Variants in TXN2 observed in about 807,000 individuals in gnomAD.
TXN2 encodes thioredoxin 2, also known as thioredoxin, mitochondrial.
In TXN2, 12 loss-of-function variants were observed where a neutral mutation model predicts 14.6. The ratio of observed to expected loss-of-function variants is 0.82; its 90% confidence interval spans 0.53 to 1.33. TXN2 has a LOEUF of 1.33. Ranked by LOEUF, TXN2 falls within the 40% of genes most tolerant of loss-of-function variation. TXN2 has a pLI of 0.00. For missense variants in TXN2, 173 were observed against 207.7 expected (o/e 0.83, Z 1.03); for synonymous variants, 89 against 81.0 (o/e 1.10, Z -0.53).
In TXN2 at chr22:36,480,788, C is replaced by T. The variant is rs777701106; in HGVS notation, c.50G>A (p.Arg17Lys). The T allele has an allele frequency of 6.2e-7, 1 of 1,610,562 alleles. No homozygotes were observed. Among genetic ancestry groups the T allele is most frequent in the Admixed American group, 1.7e-5 (1 of 59,666 alleles). Residue 17 changes from arginine (R) to lysine (K), a missense_variant, in exon 2 of 4, where the codon AGG becomes AAG. Coordinates refer to ENST00000216185, the MANE Select transcript of TXN2 (RefSeq NM_012473.4). ...LRRFLASVIS[R>K]KPSQGQWPPL... ...TGGCCACTGACCCTGAGAGGGCTTC[C>T]TGGAGATGACAGAGGCCAGGAACCT...
Position 36,467,343 on chromosome 22 carries a change from T to C in TXN2, c.*461A>G, listed in dbSNP as rs1219558224. 1 of 167,444 alleles carries C rather than the reference T, an allele frequency of 6.0e-6. No homozygotes were observed. Among genetic ancestry groups the C allele is most frequent in the Non-Finnish European group, 1.3e-5 (1 of 76,762 alleles). The allele number at this position is 167,444 out of a possible 1,614,324, so 10.4% of individuals were successfully genotyped here. On this transcript the variant is annotated 3_prime_UTR_variant, in exon 4 of 4. Coordinates refer to ENST00000216185, the MANE Select transcript of TXN2 (RefSeq NM_012473.4). ...TATCACAGACCTACAAAAAATGAGATAATTAGATATTACTCTCACTAGTTT... is the reference window on the plus strand; with the variant it reads ...TATCACAGACCTACAAAAAATGAGACAATTAGATATTACTCTCACTAGTTT...
intron 2 of TXN2, among the ~76,000 whole-genome samples, chr22:36,477,891 C>T (rs1933418766): frequency 6.6e-6 from 1 of 152,130 alleles, no homozygotes; most frequent in Non-Finnish European, 1.5e-5. Flanking sequence ...AATTCCAGCA[C>T]TTTGGGAGGC....
chr22:36,474,281 C>T (rs1303671703), intron 3 of TXN2, among the ~76,000 whole-genome samples: 2 of 152,184 alleles, frequency 1.3e-5, no homozygotes, highest in Admixed American at 6.5e-5. Context: ...TAGTGGCCAC[C>T]GTGTTTGTCT....
intron 1 of TXN2, 62 bp from the exon 2 acceptor site, chr22:36,480,899 G>T (rs1933488671): frequency 2.0e-6 from 3 of 1,501,592 alleles, no homozygotes. Flanking sequence ...ACTAGAAAAA[G>T]ATTTGGGGAG....
rs1933363986 is a variant in TXN2, at chr22:36,475,287, A to G, written c.387+1446T>C. On this transcript the variant is annotated intron_variant, in intron 3 of 3. Coordinates refer to ENST00000216185, the MANE Select transcript of TXN2 (RefSeq NM_012473.4). ...CAGCTACTCCGGAGGCTGGGACAGG[A>G]GAACTGCTTGAACCCGGGAGGCAGA... Among the ~76,000 whole-genome samples, 3 of 152,226 alleles carry G rather than the reference A, an allele frequency of 2.0e-5. No homozygotes were observed. In the South Asian group the frequency reaches 6.2e-4, roughly 31 times the overall value.
intron 3 of TXN2, among the ~76,000 whole-genome samples, chr22:36,473,944 T>G (rs559238081): frequency 6.6e-6 from 1 of 152,224 alleles, no homozygotes; most frequent in South Asian, 2.1e-4. Flanking sequence ...TCCCTGCACA[T>G]GGCTGGCCCT....
At chr22:36,472,289 G>C (rs1036900867) in intron 3 of TXN2, among the ~76,000 whole-genome samples, 4 of 152,056 alleles carry the variant, frequency 2.6e-5, no homozygotes, top group Non-Finnish European at 5.9e-5. Context: ...GGAGGAGGAA[G>C]GAGAGATGAA....
At chr22:36,470,781 T>TAAAA (rs34939764) in intron 3 of TXN2, among the ~76,000 whole-genome samples, 31 of 136,612 alleles carry the variant, frequency 2.3e-4, no homozygotes, top group African/African-American at 4.0e-4. Flanking sequence ...ATAAAAATAT[T>TAAAA]AAAAAAAAAA....
At chr22:36,477,875 G>A (rs879503944) in intron 2 of TXN2, among the ~76,000 whole-genome samples, 3 of 152,084 alleles carry the variant, frequency 2.0e-5, no homozygotes, top group Admixed American at 6.6e-5. Flanking sequence ...GGTGACCCAC[G>A]CCTATAATTC....
chr22:36,473,783 C>A (rs759774380), intron 3 of TXN2, among the ~76,000 whole-genome samples: 35 of 152,148 alleles, frequency 2.3e-4, no homozygotes, highest in Non-Finnish European at 4.4e-4. Context: ...CCACAGGAGG[C>A]ATCTCCTTCT....
intron 3 of TXN2, among the ~76,000 whole-genome samples, chr22:36,475,442 C>G (rs191239023): frequency 2.6e-5 from 4 of 152,340 alleles, no homozygotes; most frequent in Admixed American, 2.6e-4. Flanking sequence ...GTATTTTTCT[C>G]CATTGAACTT....
chr22:36,474,366 C>A (rs531675922), intron 3 of TXN2, among the ~76,000 whole-genome samples: 2 of 152,320 alleles, frequency 1.3e-5, no homozygotes, highest in Admixed American at 6.5e-5. Context: ...CCACTCCCTG[C>A]GTAGCTCAAG....
chr22:36,475,164 G>C (rs2145824269), intron 3 of TXN2, among the ~76,000 whole-genome samples: 1 of 152,346 alleles, frequency 6.6e-6, no homozygotes, highest in East Asian at 1.9e-4. Context: ...GGTCACCCGA[G>C]GTCAGGAGAT....
intron 3 of TXN2, among the ~76,000 whole-genome samples, chr22:36,469,777 G>A (rs1017248738): frequency 5.9e-5 from 9 of 152,176 alleles, no homozygotes; most frequent in African/African-American, 1.7e-4. Flanking sequence ...CCAACATGGT[G>A]AAACCCCGTC....
intron 3 of TXN2, among the ~76,000 whole-genome samples, chr22:36,473,754 G>C (rs948806181): frequency 1.3e-4 from 20 of 152,148 alleles, no homozygotes; most frequent in African/African-American, 4.8e-4. Flanking sequence ...GGTGGGTGTG[G>C]GGGGAGATTG....
chr22:36,480,585 A>G lies in TXN2; in HGVS notation c.253T>C (p.Phe85Leu). 6.2e-7 allele frequency: 1 copy of G among 1,613,650 alleles called. No homozygotes were observed. The highest frequency in any genetic ancestry group is 8.5e-7 in the Non-Finnish European group (1 of 1,179,906). Residue 85 changes from phenylalanine (F) to leucine (L), a missense_variant, in exon 2 of 4, where the codon TTC becomes CTC. Transcript: ENST00000216185. ...ACCCCCAATACTCACTGTGCGTGGA[A>G]ATCCACAACCACTGGTGTCTCACTG... Reference protein sequence around the residue: ...VNSETPVVVDFHAQWCGPCKI... With the variant: ...VNSETPVVVDLHAQWCGPCKI...
At chr22:36,476,929 T>C in intron 2 of TXN2, 73 bp from the exon 3 acceptor site, 1 of 1,587,156 alleles carries the variant, frequency 6.3e-7, no homozygotes, top group Non-Finnish European at 8.6e-7. Context: ...TTCCCAGACC[T>C]GCATCTTTCC....
At position 36,481,640 on chromosome 22, in the gene TXN2, C is replaced by G. The variant is rs61670284; in HGVS notation, c.-77G>C. 1 of 949,102 alleles carries G rather than the reference C, an allele frequency of 1.1e-6. No homozygotes were observed. The highest frequency in any genetic ancestry group is 1.3e-6 in the Non-Finnish European group (1 of 798,416). 58.8% of individuals were successfully genotyped at this position (949,102 alleles called of 1,614,324 possible). ...AAGGGCACGCCTGTCGTCACTTCCT[C>G]GGGGGGGGACGTACATAACGTCACT... On this transcript the variant is annotated 5_prime_UTR_variant, in exon 1 of 4. Coordinates refer to ENST00000216185, the MANE Select transcript of TXN2 (RefSeq NM_012473.4).
intron 3 of TXN2, among the ~76,000 whole-genome samples, 199 bp downstream of exon 3, chr22:36,476,534 A>G (rs900031289): frequency 1.3e-5 from 2 of 151,898 alleles, no homozygotes; most frequent in Non-Finnish European, 2.9e-5. Context: ...AGAGGTTGCA[A>G]TGAGCCGAGA....
Sources: allele counts gnomAD v4.1 joint callset (sites outside exome capture counted in the v4.1 genomes callset), GRCh38; gene constraint gnomAD v4.1.1; transcripts MANE v1.5; gene names NCBI Gene and HGNC (gene_info 2026-07-23, HGNC 2026-07-21).